Variants in WDFY2 observed in about 807,000 individuals in gnomAD.
WDFY2 encodes the protein WD repeat and FYVE domain-containing protein 2.
WDFY2 carries 36 observed loss-of-function variants against 56.4 expected under a neutral mutation model. The observed-to-expected ratio is 0.64, with a 90% confidence interval of 0.49 to 0.84. The LOEUF (loss-of-function observed/expected upper bound fraction) is 0.84, where lower values mean the gene tolerates loss of function less well. WDFY2 is among the 40% of genes least tolerant of loss of function. WDFY2 has a pLI of 0.00. For missense variants in WDFY2, 444 were observed against 512.2 expected, an observed-to-expected ratio of 0.87 and a Z score of 1.29; for synonymous variants, 176 against 183.7, an observed-to-expected ratio of 0.96 and a Z score of 0.34.
rs980984709 is a variant in WDFY2, at chr13:51,766,745, C to G, written c.*6976C>G. The G allele has an allele frequency of 1.3e-5, 2 of 152,274 alleles. No homozygotes were observed. Among genetic ancestry groups the G allele is most frequent in the African/African-American group, 4.8e-5 (2 of 41,464 alleles). 9.4% of individuals were successfully genotyped at this position (152,274 alleles called of 1,614,324 possible). ...GTAGCCATTACCAATGTACAACTCT[C>G]AATGCGGAGTTGCCGCCACGGTTTA... On this transcript the variant is annotated 3_prime_UTR_variant, in exon 12 of 12. Coordinates refer to ENST00000298125, the MANE Select transcript of WDFY2 (RefSeq NM_052950.4).
chr13:51,746,608 G>T (rs1309232793), intron 7 of WDFY2, among the ~76,000 whole-genome samples: 1 of 152,222 alleles, frequency 6.6e-6, no homozygotes, highest in Non-Finnish European at 1.5e-5. Context: ...AAATAACTAT[G>T]TTTCCATGAA....
At chr13:51,683,946 C>T (rs114235625) in intron 3 of WDFY2, among the ~76,000 whole-genome samples, 470 of 152,198 alleles carry the variant, frequency 3.1e-3, no homozygotes, top group African/African-American at 0.011. Context: ...TGTGCCCTTC[C>T]CTGTTTATTT....
intron 3 of WDFY2, among the ~76,000 whole-genome samples, chr13:51,693,514 G>C (rs1174243359): frequency 2.0e-5 from 3 of 152,050 alleles, no homozygotes; most frequent in Non-Finnish European, 4.4e-5. Context: ...TCTTAATCCT[G>C]AGTTCTAGTT....
intron 1 of WDFY2, among the ~76,000 whole-genome samples, chr13:51,658,858 GTTCT>G (rs1467437770): frequency 5.3e-5 from 8 of 151,896 alleles, no homozygotes; most frequent in Non-Finnish European, 7.4e-5. Flanking sequence ...TAACTTAAAT[GTTCT>G]TTCTTTATTA....
intron 1 of WDFY2, among the ~76,000 whole-genome samples, chr13:51,620,581 C>T (rs979556857): frequency 1.3e-4 from 20 of 152,084 alleles, no homozygotes; most frequent in Non-Finnish European, 4.4e-5. Flanking sequence ...CATCCCAGCC[C>T]GTCTGCACCT....
In WDFY2 at chr13:51,670,489, G is replaced by GCACACACACACA. The variant is rs55984632; in HGVS notation, c.206-4644_206-4633dup. 3.9e-4 allele frequency among the ~76,000 whole-genome samples: 51 copies of GCACACACACACA among 131,496 alleles called. 1 individual carries two copies. The highest frequency in any genetic ancestry group is 1.2e-3 in the African/African-American group (41 of 34,676). The allele number at this position is 131,496 out of a possible 152,430, so 86.3% of individuals were successfully genotyped here. On this transcript the variant is annotated intron_variant, in intron 2 of 11. Coordinates refer to ENST00000298125, the MANE Select transcript of WDFY2 (RefSeq NM_052950.4). ...TACGTCTCACCTACTGTGCGCACATGCACACACACACACACACACACACAC... is the reference window on the plus strand; with the variant it reads ...TACGTCTCACCTACTGTGCGCACATGCACACACACACACACACACACACACACACACACACAC...
At chr13:51,754,623 C>T (rs749620674) in intron 8 of WDFY2, among the ~76,000 whole-genome samples, 122 of 152,342 alleles carry the variant, frequency 8.0e-4, no homozygotes, top group Non-Finnish European at 3.4e-4. Flanking sequence ...GCCATTCAGA[C>T]TTCCCTGACT....
At chr13:51,704,584 A>C (rs1005209304) in intron 4 of WDFY2, among the ~76,000 whole-genome samples, 2 of 152,180 alleles carry the variant, frequency 1.3e-5, no homozygotes, top group Non-Finnish European at 2.9e-5. Context: ...ACAATCTTTC[A>C]GTTATTTTAA....
At chr13:51,593,056 A>G (rs1375176531) in intron 1 of WDFY2, among the ~76,000 whole-genome samples, 1 of 152,228 alleles carries the variant, frequency 6.6e-6, no homozygotes, top group African/African-American at 2.4e-5. Context: ...ATTTCCTTCT[A>G]GTAGTTTCTC....
At chr13:51,585,951 A>G in intron 1 of WDFY2, 2 of 398,398 alleles carry the variant, frequency 5.0e-6, no homozygotes, top group Non-Finnish European at 8.9e-6. Context: ...TATAACTAGG[A>G]TGAGTATATT....
At chr13:51,620,736 G>A (rs563031850) in intron 1 of WDFY2, among the ~76,000 whole-genome samples, 7 of 152,260 alleles carry the variant, frequency 4.6e-5, no homozygotes, top group Admixed American at 2.6e-4. Context: ...TAGCTGAGCC[G>A]GGGATGGTGT....
chr13:51,725,770 T>A (rs1952590905), intron 5 of WDFY2, among the ~76,000 whole-genome samples: 1 of 151,734 alleles, frequency 6.6e-6, no homozygotes, highest in Non-Finnish European at 1.5e-5. Context: ...CATGGCTCAC[T>A]GCAGCTTCAA....
At chr13:51,756,663 A>G in intron 10 of WDFY2, 1 of 983,920 alleles carries the variant, frequency 1.0e-6, no homozygotes, top group Non-Finnish European at 1.2e-6. Context: ...AAATACACTC[A>G]AAGAATTCAT....
intron 5 of WDFY2, among the ~76,000 whole-genome samples, chr13:51,720,990 AAC>A (rs1952476730): frequency 6.7e-6 from 1 of 148,400 alleles, no homozygotes; most frequent in Admixed American, 6.7e-5. Context: ...CACACACACA[AAC>A]ACACACACTG....
intron 1 of WDFY2, among the ~76,000 whole-genome samples, chr13:51,620,765 G>A (rs1038186514): frequency 6.6e-6 from 1 of 152,158 alleles, no homozygotes; most frequent in Non-Finnish European, 1.5e-5. Flanking sequence ...CTGTGAGGCA[G>A]TCTTTCCCCA....
intron 3 of WDFY2, among the ~76,000 whole-genome samples, chr13:51,695,683 G>C (rs1223510955): frequency 2.6e-5 from 4 of 152,226 alleles, no homozygotes; most frequent in Non-Finnish European, 4.4e-5. Flanking sequence ...ATCTCTAGCT[G>C]TGTGCTGGGA....
intron 3 of WDFY2, among the ~76,000 whole-genome samples, chr13:51,698,635 G>A (rs549355039): frequency 1.6e-4 from 24 of 152,154 alleles, no homozygotes; most frequent in Admixed American, 3.3e-4. Context: ...CATTATGTGC[G>A]AGAAGTAATT....
rs1306519420 is a variant in WDFY2, at chr13:51,745,950, CTTTTCTTTTTCT to C, written c.726-5343_726-5332del. On this transcript the variant is annotated intron_variant, in intron 7 of 11. Transcript: ENST00000298125. The stretch of plus-strand genomic sequence containing the variant: ...TTTTTATAAAGAATCTTGCACTGGA[CTTTTCTTTTTCT>C]TTTTCTTTTTCTTTTTTTTTTTTTT... Among the ~76,000 whole-genome samples the C allele has an allele frequency of 3.4e-4, 47 of 139,684 alleles. 1 individual carries two copies. The highest frequency in any genetic ancestry group is 1.0e-3 in the African/African-American group (39 of 38,770). 91.6% of individuals were successfully genotyped at this position (139,684 alleles called of 152,430 possible). A position where few individuals can be genotyped will look rare whatever the true frequency, so the allele number is the denominator to read the frequency against.
At chr13:51,646,607 G>A (rs1413856755) in intron 1 of WDFY2, among the ~76,000 whole-genome samples, 1 of 152,176 alleles carries the variant, frequency 6.6e-6, no homozygotes, top group Non-Finnish European at 1.5e-5. Context: ...GTAGGTGTTT[G>A]ATAAATGTGT....
Sources: allele counts gnomAD v4.1 joint callset (sites outside exome capture counted in the v4.1 genomes callset), GRCh38; gene constraint gnomAD v4.1.1; transcripts MANE v1.5; gene names NCBI Gene and HGNC (gene_info 2026-07-23, HGNC 2026-07-21).